ZNF462: variants seen among roughly 807,000 people sequenced by gnomAD.
ZNF462 encodes zinc finger PBX1-interacting protein.
Under a neutral mutation model 201.9 loss-of-function variants are expected in ZNF462, and 10 were observed. The observed-to-expected ratio is 0.05, with a 90% CI of 0.03 to 0.08. The LOEUF is 0.08. Ranked by LOEUF, ZNF462 falls within the 10% of genes least tolerant of loss-of-function variation. ZNF462 has a pLI of 1.00. For missense variants in ZNF462, 2,523 were observed against 3,168.3 expected (o/e 0.80, Z 4.89); for synonymous variants, 1,227 against 1,193.3 (o/e 1.03, Z -0.58).
At chr9:106,940,992 T>G (rs1415445357) in intron 7 of ZNF462, among the ~76,000 whole-genome samples, 2 of 152,244 alleles carry the variant, frequency 1.3e-5, no homozygotes, top group South Asian at 2.1e-4. Context: ...TGGAGCTGTT[T>G]GGATGAAACA....
At chr9:106,951,749 C>T (rs554034200) in intron 7 of ZNF462, among the ~76,000 whole-genome samples, 13 of 152,216 alleles carry the variant, frequency 8.5e-5, no homozygotes, top group Middle Eastern at 3.4e-3. Context: ...CAAGTTCCAC[C>T]CCAGGCCTTC....
chr9:106,941,844 TTGCTAA>T (rs1383790504), intron 7 of ZNF462, among the ~76,000 whole-genome samples: 3 of 152,248 alleles, frequency 2.0e-5, no homozygotes, highest in Non-Finnish European at 2.9e-5. Flanking sequence ...TGGGAAGACT[TTGCTAA>T]GGAGCCGGAT....
At position 106,925,913 on chromosome 9, in the gene ZNF462, C is replaced by T; in HGVS notation, c.2001C>T (p.Ser667=). 6.2e-7 allele frequency: 1 copy of T among 1,614,136 alleles called. No individual in the cohort carries two copies. The highest frequency in any genetic ancestry group is 8.5e-7 in the Non-Finnish European group (1 of 1,180,034). Residue 667 remains serine, a synonymous_variant, in exon 3 of 13, where the codon TCC becomes TCT. Transcript: ENST00000277225. The surrounding 1 kb of genome is among the most constrained non-coding windows in gnomAD (Gnocchi z 7.9). ...AGACCTCAATTCTTGGGTTGTCCTC[C>T]AAGAACAATTTTGTAGCTAAAGCCT... ...KSQTSILGLS[S]KNNFVAKASR...
chr9:106,900,911 T>C (rs962088738), intron 1 of ZNF462, among the ~76,000 whole-genome samples: 9 of 152,198 alleles, frequency 5.9e-5, no homozygotes, highest in Non-Finnish European at 4.4e-5. Context: ...GCGATTTATC[T>C]TTGTTTGTAT....
chr9:106,914,420 T>C (rs1829683432), intron 1 of ZNF462, among the ~76,000 whole-genome samples: 1 of 152,188 alleles, frequency 6.6e-6, no homozygotes, highest in Non-Finnish European at 1.5e-5. Flanking sequence ...TAAAACTGCC[T>C]GCAGATACTG....
Position 106,978,301 on chromosome 9 carries a change from G to A in ZNF462, c.6832+4028G>A, listed in dbSNP as rs1433170360. Among the ~76,000 whole-genome samples the A allele has an allele frequency of 1.3e-5, 2 of 151,570 alleles. No individual in the cohort carries two copies. Among genetic ancestry groups the A allele is most frequent in the African/African-American group, 4.9e-5 (2 of 40,840 alleles). ...TCGGTGGAAGCAAGACATGTTTGCAGAATGTTATTAGACATTTCCGGGGTC... is the reference window on the plus strand; with the variant it reads ...TCGGTGGAAGCAAGACATGTTTGCAAAATGTTATTAGACATTTCCGGGGTC... On this transcript the variant is annotated intron_variant, in intron 9 of 12. Transcript: ENST00000277225. This position sits in a 1 kb window ranked among gnomAD's most constrained non-coding sequence, Gnocchi z 4.1.
intron 7 of ZNF462, among the ~76,000 whole-genome samples, chr9:106,971,238 AAGG>A (rs1454009175): frequency 6.6e-6 from 1 of 151,958 alleles, no homozygotes; most frequent in Non-Finnish European, 1.5e-5. Context: ...CTGGGCTGCA[AAGG>A]AGGAGATGTT....
At position 106,876,838 on chromosome 9, in the gene ZNF462, T is replaced by C. The variant is rs1227911887; in HGVS notation, c.-31+13483T>C. On this transcript the variant is annotated intron_variant, in intron 1 of 12. Transcript: ENST00000277225. This position sits in a 1 kb window ranked among gnomAD's most constrained non-coding sequence, Gnocchi z 4.9. ...AATTGTCCTTATTGCAGAGAAAATA[T>C]TGGCTGTGCTGTTTATATAAATGTT... 1.3e-5 allele frequency among the ~76,000 whole-genome samples: 2 copies of C among 152,188 alleles called. No individual in the cohort carries two copies. Among genetic ancestry groups the C allele is most frequent in the Non-Finnish European group, 2.9e-5 (2 of 68,042 alleles).
At chr9:106,965,806 A>C (rs6477552) in intron 7 of ZNF462, among the ~76,000 whole-genome samples, 3 of 151,952 alleles carry the variant, frequency 2.0e-5, no homozygotes, top group Non-Finnish European at 2.9e-5. Context: ...GTTTCTGGTC[A>C]CTACAGATTC....
At chr9:106,948,755 A>G (rs1373588810) in intron 7 of ZNF462, among the ~76,000 whole-genome samples, 2 of 151,886 alleles carry the variant, frequency 1.3e-5, no homozygotes, top group East Asian at 1.9e-4. Context: ...TCACCACATG[A>G]CTTACTATAG....
chr9:106,949,630 C>T (rs1831254326), intron 7 of ZNF462, among the ~76,000 whole-genome samples: 1 of 152,102 alleles, frequency 6.6e-6, no homozygotes, highest in African/African-American at 2.4e-5. Context: ...TACTTTCTGC[C>T]ACCTCTTCAG....
At position 106,902,673 on chromosome 9, in the gene ZNF462, T is replaced by C. The variant is rs1829112154; in HGVS notation, c.-30-20681T>C. ...GGGAGGGTTGTATTTTTCCAGGAAT[T>C]TATCCATCTCTCCTAGGTTTTCTAG... On this transcript the variant is annotated intron_variant, in intron 1 of 12. Coordinates refer to ENST00000277225, the MANE Select transcript of ZNF462 (RefSeq NM_021224.6). This position sits in a 1 kb window ranked among gnomAD's most constrained non-coding sequence, Gnocchi z 4.2. Among the ~76,000 whole-genome samples the C allele has an allele frequency of 6.6e-6, 1 of 152,188 alleles. No homozygotes were observed. Among genetic ancestry groups the C allele is most frequent in the African/African-American group, 2.4e-5 (1 of 41,462 alleles).
chr9:106,921,590 A>G (rs1327920741), intron 1 of ZNF462, among the ~76,000 whole-genome samples: 1 of 152,238 alleles, frequency 6.6e-6, no homozygotes, highest in Non-Finnish European at 1.5e-5. Flanking sequence ...TGATAAACAC[A>G]TTCAGCAGAG....
chr9:106,981,880 G>A lies in ZNF462; in HGVS notation c.6833-2306G>A, dbSNP rs185334758. Among the ~76,000 whole-genome samples the A allele has an allele frequency of 1.3e-4, 20 of 152,306 alleles. No individual in the cohort carries two copies. The East Asian group carries it at 1.7e-3, about 13-fold the overall frequency. Reference sequence around the variant, plus strand: ...TGATACCGGGCTGTTCTTCTTCACCGTAGAGGTCAACGGAACCAAGGCAGG... The same window carrying A: ...TGATACCGGGCTGTTCTTCTTCACCATAGAGGTCAACGGAACCAAGGCAGG... On this transcript the variant is annotated intron_variant, in intron 9 of 12. Coordinates refer to ENST00000277225, the MANE Select transcript of ZNF462 (RefSeq NM_021224.6). The surrounding 1 kb of genome is among the most constrained non-coding windows in gnomAD (Gnocchi z 4.0).
intron 1 of ZNF462, among the ~76,000 whole-genome samples, chr9:106,869,549 G>C (rs111367794): frequency 2.6e-5 from 4 of 152,200 alleles, no homozygotes; most frequent in Non-Finnish European, 4.4e-5. Flanking sequence ...CCAAACGAAT[G>C]CATCAATTTT....
At chr9:106,958,330 A>G (rs1029517140) in intron 7 of ZNF462, among the ~76,000 whole-genome samples, 6 of 152,052 alleles carry the variant, frequency 3.9e-5, no homozygotes, top group African/African-American at 1.4e-4. Context: ...CTTCAGAATA[A>G]ATTCTGAGCT....
intron 7 of ZNF462, among the ~76,000 whole-genome samples, chr9:106,939,688 T>A (rs1013582122): frequency 1.3e-5 from 2 of 152,026 alleles, no homozygotes; most frequent in African/African-American, 4.8e-5. Context: ...TCAGAAGAAA[T>A]ACAGGAAGCC....
In ZNF462 at chr9:106,925,363, A is replaced by G; in HGVS notation, c.1451A>G (p.Lys484Arg). ...CCGTTTACTTGCAAGAGCTCGTTGA[A>G]ACTTGGGGCTCACAAACAGTGTCAC... ...ECPFTCKSSL[K>R]LGAHKQCHTG... The change falls in exon 3 of 13, where the codon AAA (lysine) becomes AGA (arginine). Residue 484 changes from lysine (K) to arginine (R), a missense_variant. Physicochemically the swap from Lys to Arg is conservative, Grantham distance 26 (BLOSUM62 2). Transcript: ENST00000277225. This position sits in a 1 kb window ranked among gnomAD's most constrained non-coding sequence, Gnocchi z 7.9. 6.2e-7 allele frequency: 1 copy of G among 1,614,216 alleles called. No individual in the cohort carries two copies. Among genetic ancestry groups the G allele is most frequent in the African/African-American group, 1.3e-5 (1 of 75,054 alleles).
chr9:106,982,687 G>GA (rs1827532520), intron 9 of ZNF462, among the ~76,000 whole-genome samples: 1 of 152,144 alleles, frequency 6.6e-6, no homozygotes, highest in South Asian at 2.1e-4. Context: ...GAGCTCCAGG[G>GA]GGTATGTTGC....
Sources: allele counts gnomAD v4.1 joint callset (sites outside exome capture counted in the v4.1 genomes callset), GRCh38; gene constraint gnomAD v4.1.1; non-coding constraint Gnocchi (gnomAD v3.1); transcripts MANE v1.5; gene names NCBI Gene and HGNC (gene_info 2026-07-23, HGNC 2026-07-21).